Variants in RNF150 observed in about 807,000 individuals in gnomAD.
RNF150 encodes the protein ring finger protein 150.
A neutral mutation model predicts 39.3 loss-of-function variants in RNF150; 24 were observed. The observed-to-expected ratio is 0.61, with a 90% CI of 0.44 to 0.86. The LOEUF (loss-of-function observed/expected upper bound fraction) is 0.86, where lower values mean the gene tolerates loss of function less well. Ranked by LOEUF, RNF150 falls within the 40% of genes least tolerant of loss-of-function variation. RNF150 has a pLI of 0.00. For missense variants in RNF150, 502 were observed against 587.8 expected (o/e 0.85, Z 1.51); for synonymous variants, 255 against 227.3 (o/e 1.12, Z -1.10).
At chr4:140,901,724 C>T (rs761935498) in intron 6 of RNF150, among the ~76,000 whole-genome samples, 9 of 152,076 alleles carry the variant, frequency 5.9e-5, no homozygotes, top group East Asian at 1.9e-4. Flanking sequence ...GGGTAACTGG[C>T]GATTTCTCAA....
At chr4:140,910,659 G>A (rs773060910) in intron 6 of RNF150, among the ~76,000 whole-genome samples, 4 of 152,130 alleles carry the variant, frequency 2.6e-5, no homozygotes, top group Non-Finnish European at 5.9e-5. Flanking sequence ...CCTCTTGTCC[G>A]TGGTCCAGAC....
At chr4:140,920,629 C>T (rs1167643315) in intron 5 of RNF150, among the ~76,000 whole-genome samples, 121 of 148,866 alleles carry the variant, frequency 8.1e-4, no homozygotes, top group Non-Finnish European at 9.7e-4. Flanking sequence ...GTCGGTGTGG[C>T]GATTCCTCAG....
chr4:141,127,480 A>G (rs1050090414), intron 1 of RNF150, among the ~76,000 whole-genome samples: 1 of 152,238 alleles, frequency 6.6e-6, no homozygotes, highest in Non-Finnish European at 1.5e-5. Context: ...GGTCCTTTAC[A>G]GAGTTTAAGG....
At chr4:140,892,804 G>A (rs939900995) in intron 6 of RNF150, among the ~76,000 whole-genome samples, 1 of 152,172 alleles carries the variant, frequency 6.6e-6, no homozygotes, top group Non-Finnish European at 1.5e-5. Flanking sequence ...GCTCATGCCT[G>A]TAATCCCAGC....
intron 4 of RNF150, among the ~76,000 whole-genome samples, chr4:140,929,581 T>C (rs1731541685): frequency 1.3e-5 from 2 of 151,970 alleles, no homozygotes; most frequent in African/African-American, 2.4e-5. Context: ...TTGGCCAGGA[T>C]GGTCTCGATC....
intron 1 of RNF150, among the ~76,000 whole-genome samples, chr4:141,108,783 G>T (rs1376429167): frequency 6.6e-6 from 1 of 152,102 alleles, no homozygotes; most frequent in Non-Finnish European, 1.5e-5. Context: ...TACATAATAA[G>T]CTAAATAAAC....
chr4:141,200,930 A>G (rs994609612), intron 1 of RNF150, among the ~76,000 whole-genome samples: 1 of 152,280 alleles, frequency 6.6e-6, no homozygotes, highest in South Asian at 2.1e-4. Flanking sequence ...AATAAATCAG[A>G]TCTATTTTAC....
intron 5 of RNF150, among the ~76,000 whole-genome samples, chr4:140,917,850 C>A (rs1468002856): frequency 2.6e-5 from 4 of 151,566 alleles, no homozygotes; most frequent in Non-Finnish European, 5.9e-5. Flanking sequence ...TCTCTCAGAC[C>A]ACAGTGCAAT....
chr4:140,985,444 A>T (rs537434046), intron 1 of RNF150, among the ~76,000 whole-genome samples: 2 of 152,144 alleles, frequency 1.3e-5, no homozygotes, highest in Non-Finnish European at 2.9e-5. Context: ...TATTTTGGGT[A>T]TTAAAGAGAG....
rs543352540 is a variant in RNF150, at chr4:141,071,384, A to T, written c.484+60941T>A. On this transcript the variant is annotated intron_variant, in intron 1 of 6. Coordinates refer to ENST00000515673, the MANE Select transcript of RNF150 (RefSeq NM_020724.2). The stretch of plus-strand genomic sequence containing the variant: ...GTACCCTAAAACTTAAAGTATAATT[A>T]AAAAAAAATGGAATAAGAAAATTGG... Among the ~76,000 whole-genome samples, 587 of 126,578 alleles carry T rather than the reference A, an allele frequency of 4.6e-3. 2 individuals are homozygous for T. The highest frequency in any genetic ancestry group is 0.02 in the Middle Eastern group (5 of 248). 83.0% of individuals were successfully genotyped at this position (126,578 alleles called of 152,430 possible).
rs191759519 is a variant in RNF150 at position 141,168,444 on chromosome 4, G to T, written c.-6+44350C>A. 2.6e-3 allele frequency among the ~76,000 whole-genome samples: 403 copies of T among 152,266 alleles called. 1 individual carries two copies. Among genetic ancestry groups the T allele is most frequent in the African/African-American group, 9.2e-3 (381 of 41,526 alleles). On this transcript the variant is annotated intron_variant, in intron 1 of 7. Coordinates refer to the RNF150 transcript ENST00000420921. ...TTTGACCCAGCAATCCCATTACTGG[G>T]TATATACCCAAAGGATTATAAATCA...
chr4:140,876,357 A>G (rs1435427002), intron 6 of RNF150, among the ~76,000 whole-genome samples: 1 of 152,224 alleles, frequency 6.6e-6, no homozygotes, highest in African/African-American at 2.4e-5. Flanking sequence ...TGTTAGTGGG[A>G]AAGTTAATTA....
chr4:140,946,559 T>C (rs923331144), intron 4 of RNF150, among the ~76,000 whole-genome samples: 2 of 152,180 alleles, frequency 1.3e-5, no homozygotes, highest in African/African-American at 4.8e-5. Flanking sequence ...TGATCATTGC[T>C]CAGTATAACC....
intron 1 of RNF150, among the ~76,000 whole-genome samples, chr4:141,054,427 C>A (rs1736891988): frequency 6.6e-6 from 1 of 151,994 alleles, no homozygotes; most frequent in Admixed American, 6.6e-5. Flanking sequence ...TCTCCCTTAG[C>A]CCATATATAT....
intron 1 of RNF150, among the ~76,000 whole-genome samples, chr4:141,040,958 A>G (rs1418479809): frequency 6.6e-6 from 1 of 152,178 alleles, no homozygotes; most frequent in Non-Finnish European, 1.5e-5. Context: ...TACCATCAGC[A>G]TTATGTGTGC....
chr4:141,166,148 A>G (rs954745671), intron 1 of RNF150, among the ~76,000 whole-genome samples: 39 of 152,188 alleles, frequency 2.6e-4, no homozygotes, highest in Non-Finnish European at 2.5e-4. Flanking sequence ...AATACAAACT[A>G]CCATCAGAGA....
chr4:141,191,006 G>C (rs1337019088), intron 1 of RNF150, among the ~76,000 whole-genome samples: 1 of 152,078 alleles, frequency 6.6e-6, no homozygotes, highest in Non-Finnish European at 1.5e-5. Context: ...TTTCAACACT[G>C]TGTACCTTCC....
chr4:141,065,884 A>T (rs550332043), intron 1 of RNF150, among the ~76,000 whole-genome samples: 12 of 152,164 alleles, frequency 7.9e-5, no homozygotes, highest in African/African-American at 2.9e-4. Context: ...TGGAATCAGC[A>T]TATCTATCTC....
intron 6 of RNF150, among the ~76,000 whole-genome samples, chr4:140,883,815 CAT>C (rs991589296): frequency 1.1e-4 from 16 of 152,248 alleles, no homozygotes; most frequent in African/African-American, 3.9e-4. Flanking sequence ...TTTAGATGTT[CAT>C]ATCTTTCCTT....
Sources: allele counts gnomAD v4.1 joint callset (sites outside exome capture counted in the v4.1 genomes callset), GRCh38; gene constraint gnomAD v4.1.1; transcripts MANE v1.5; gene names NCBI Gene and HGNC (gene_info 2026-07-23, HGNC 2026-07-21).